Variants in AAK1 observed in about 807,000 individuals in gnomAD.
The protein encoded by AAK1 is AP2 associated kinase 1, also known as AP2-associated protein kinase 1.
In AAK1, 37 loss-of-function variants were observed where a neutral mutation model predicts 116.0. That is an observed-to-expected ratio of 0.32 (90% CI 0.25 to 0.42). The LOEUF (loss-of-function observed/expected upper bound fraction) is 0.42, where lower values mean the gene tolerates loss of function less well. Ranked by LOEUF, AAK1 falls within the 10% of genes least tolerant of loss-of-function variation. The probability of loss-of-function intolerance (pLI) is 1.00; values close to 1 mark genes in which losing one functional copy is unlikely to be tolerated. For synonymous variants in AAK1, 458 were observed against 439.9 expected, an observed-to-expected ratio of 1.04 and a Z score of -0.51; for missense variants, 919 against 1,170.6, an observed-to-expected ratio of 0.79 and a Z score of 3.14.
intron 20 of AAK1, among the ~76,000 whole-genome samples, chr2:69,477,349 ACAAT>A: frequency 6.6e-6 from 1 of 152,324 alleles, no homozygotes; most frequent in East Asian, 1.9e-4. Context: ...CAGAGGCCAA[ACAAT>A]ATTTGAAAAA....
chr2:69,464,813 G>C lies in AAK1; in HGVS notation c.*11056C>G, dbSNP rs920892764. On this transcript the variant is annotated 3_prime_UTR_variant, in exon 22 of 22. Transcript: ENST00000409085. The stretch of plus-strand genomic sequence containing the variant: ...CACCCATAGACAGTCATGCACGAGA[G>C]CCAGCCTGGCTTGCACACAGACTGA... The C allele has an allele frequency of 6.5e-6, 1 of 153,014 alleles. No homozygotes were observed. Among genetic ancestry groups the C allele is most frequent in the Non-Finnish European group, 1.5e-5 (1 of 68,706 alleles). The allele number at this position is 153,014 out of a possible 1,614,324, so 9.5% of individuals were successfully genotyped here.
intron 2 of AAK1, among the ~76,000 whole-genome samples, chr2:69,580,943 T>A (rs1672516891): frequency 6.6e-6 from 1 of 152,202 alleles, no homozygotes; most frequent in African/African-American, 2.4e-5. Context: ...GGTTGCATTT[T>A]GTTACAAGTT....
At chr2:69,633,908 G>A (rs942576938) in intron 2 of AAK1, among the ~76,000 whole-genome samples, 2 of 152,180 alleles carry the variant, frequency 1.3e-5, no homozygotes, top group Non-Finnish European at 2.9e-5. Context: ...AGTGGCTCAC[G>A]CCTGTAATCC....
intron 11 of AAK1, chr2:69,520,154 A>C: frequency 4.4e-6 from 1 of 226,816 alleles, no homozygotes; most frequent in Non-Finnish European, 9.4e-6. Context: ...GCTGCCCTGG[A>C]CTGAACTCAA....
chr2:69,614,728 T>A, intron 2 of AAK1, among the ~76,000 whole-genome samples: 1 of 152,244 alleles, frequency 6.6e-6, no homozygotes, highest in South Asian at 2.1e-4. Context: ...GATCTCAAGA[T>A]GGGGGTCATC....
rs138198485 is a variant in AAK1, at chr2:69,574,303, G to A, written c.164-17325C>T. 8.8e-4 allele frequency among the ~76,000 whole-genome samples: 132 copies of A among 150,180 alleles called. 1 individual carries two copies. Among genetic ancestry groups the A allele is most frequent in the Admixed American group, 4.1e-3 (62 of 15,040 alleles). On this transcript the variant is annotated intron_variant, in intron 2 of 21. Coordinates refer to ENST00000409085, the MANE Select transcript of AAK1 (RefSeq NM_014911.5). The stretch of plus-strand genomic sequence containing the variant: ...GGAGAATTGCTTGAATCTTGAATCC[G>A]GGAGGCGGAAGCTGCAGTGAGCAGA...
At chr2:69,561,492 A>G (rs1431761741) in intron 2 of AAK1, among the ~76,000 whole-genome samples, 2 of 152,246 alleles carry the variant, frequency 1.3e-5, no homozygotes, top group East Asian at 3.8e-4. Flanking sequence ...TCATTTTCCC[A>G]ACAGGAAAGA....
intron 5 of AAK1, among the ~76,000 whole-genome samples, chr2:69,536,042 A>G (rs1670456840): frequency 6.6e-6 from 1 of 152,224 alleles, no homozygotes; most frequent in African/African-American, 2.4e-5. Context: ...CTCCCTTAAT[A>G]GATTAGAAAA....
chr2:69,613,115 G>T (rs61429636), intron 2 of AAK1, among the ~76,000 whole-genome samples: 3,325 of 152,272 alleles, frequency 0.022, 113 homozygotes, highest in African/African-American at 0.074. Context: ...AGGAAGATGA[G>T]ATGCAAGCAT....
Position 69,468,620 on chromosome 2 carries a change from G to GT in AAK1, c.*7248dup. On this transcript the variant is annotated 3_prime_UTR_variant, in exon 22 of 22. Transcript: ENST00000409085. ...CAGGTCAATAATCCAATGAACACTAGTTTGAACAGAGTCAGTGTTTTTTGG... is the reference window on the plus strand; with the variant it reads ...CAGGTCAATAATCCAATGAACACTAGTTTTGAACAGAGTCAGTGTTTTTTGG... 3.0e-6 allele frequency: 3 copies of GT among 985,410 alleles called. No homozygotes were observed. Among genetic ancestry groups the GT allele is most frequent in the Non-Finnish European group, 3.6e-6 (3 of 829,916 alleles). The allele number at this position is 985,410 out of a possible 1,614,324, so 61.0% of individuals were successfully genotyped here. A position where few individuals can be genotyped will look rare whatever the true frequency, so the allele number is the denominator to read the frequency against.
chr2:69,522,661 G>A (rs369488641), intron 10 of AAK1, among the ~76,000 whole-genome samples: 8 of 152,190 alleles, frequency 5.3e-5, no homozygotes, highest in East Asian at 1.9e-4. Flanking sequence ...AAAATTAGCC[G>A]GGTGTGGTGG....
chr2:69,554,065 C>G (rs1340050830), intron 3 of AAK1, among the ~76,000 whole-genome samples: 1 of 151,334 alleles, frequency 6.6e-6, no homozygotes, highest in African/African-American at 2.4e-5. Context: ...TAACTGAGAC[C>G]CCATCTCAAA....
chr2:69,522,755 G>T (rs779101459), intron 10 of AAK1, among the ~76,000 whole-genome samples: 4 of 150,708 alleles, frequency 2.7e-5, no homozygotes, highest in Non-Finnish European at 4.4e-5. Context: ...AGTGAGCCAA[G>T]ATCACGCCAC....
chr2:69,629,614 C>T (rs772035049), intron 2 of AAK1, among the ~76,000 whole-genome samples: 2 of 152,230 alleles, frequency 1.3e-5, no homozygotes, highest in South Asian at 2.1e-4. Flanking sequence ...ATCTATTATA[C>T]GATTGGAATA....
In AAK1 at chr2:69,474,956, T is replaced by TGGGCGG; in HGVS notation, c.*912_*913insCCGCCC. 1 of 979,956 alleles carries TGGGCGG rather than the reference T, an allele frequency of 1.0e-6. No individual in the cohort carries two copies. Among genetic ancestry groups the TGGGCGG allele is most frequent in the Non-Finnish European group, 1.2e-6 (1 of 826,224 alleles). 60.7% of individuals were successfully genotyped at this position (979,956 alleles called of 1,614,324 possible). A position where few individuals can be genotyped will look rare whatever the true frequency, so the allele number is the denominator to read the frequency against. ...TACATCTGTTTCTGCTACAATTCCT[T>TGGGCGG]CCCCTCCCCATCCTCCCCCCACCCC... On this transcript the variant is annotated 3_prime_UTR_variant, in exon 22 of 22. Coordinates refer to ENST00000409085, the MANE Select transcript of AAK1 (RefSeq NM_014911.5).
At chr2:69,592,295 T>C (rs1673068262) in intron 2 of AAK1, among the ~76,000 whole-genome samples, 1 of 152,192 alleles carries the variant, frequency 6.6e-6, no homozygotes, top group Admixed American at 6.5e-5. Context: ...AGGGTAGTTT[T>C]GGCCCAAAGA....
intron 21 of AAK1, 35 bp downstream of exon 21, chr2:69,476,845 C>T (rs371999634): frequency 2.1e-4 from 318 of 1,507,572 alleles, no homozygotes; most frequent in Non-Finnish European, 2.9e-4. Context: ...AGAACTGAGG[C>T]CAAGCTCTTC....
chr2:69,573,978 G>C (rs1178218548), intron 2 of AAK1, among the ~76,000 whole-genome samples: 1 of 151,404 alleles, frequency 6.6e-6, no homozygotes, highest in Non-Finnish European at 1.5e-5. Context: ...CTGGGTGACA[G>C]AGCAAGACTC....
rs916649883 is a variant in AAK1, at chr2:69,458,022, A to C, written c.*17847T>G. The stretch of plus-strand genomic sequence containing the variant: ...TCACTTAATTAGGTCCATTTTAATA[A>C]AGGGTATAGGAGTTTACAACTCAAA... On this transcript the variant is annotated 3_prime_UTR_variant, in exon 22 of 22. Coordinates refer to ENST00000409085, the MANE Select transcript of AAK1 (RefSeq NM_014911.5). The C allele has an allele frequency of 1.3e-5, 2 of 152,286 alleles. No homozygotes were observed. The highest frequency in any genetic ancestry group is 4.8e-5 in the African/African-American group (2 of 41,552). 9.4% of individuals were successfully genotyped at this position (152,286 alleles called of 1,614,324 possible).
Sources: allele counts gnomAD v4.1 joint callset (sites outside exome capture counted in the v4.1 genomes callset), GRCh38; gene constraint gnomAD v4.1.1; transcripts MANE v1.5; gene names NCBI Gene and HGNC (gene_info 2026-07-23, HGNC 2026-07-21).